The following NEBL variants were observed in gnomAD, a reference collection of about 807,000 sequenced individuals.
The protein encoded by NEBL is nebulette.
NEBL carries 122 observed loss-of-function variants against 140.2 expected under a neutral mutation model. That is an observed-to-expected ratio of 0.87 (90% CI 0.75 to 1.01). The LOEUF (loss-of-function observed/expected upper bound fraction) is 1.01, where lower values mean the gene tolerates loss of function less well. NEBL is among the 50% of genes least tolerant of loss of function. The pLI is 0.00. For synonymous variants in NEBL, 436 were observed against 398.9 expected (o/e 1.09, Z -1.11); for missense variants, 1,365 against 1,231.3 (o/e 1.11, Z -1.62).
intron 2 of NEBL, among the ~76,000 whole-genome samples, chr10:21,106,037 GT>G (rs896934453): frequency 1.2e-4 from 18 of 151,390 alleles, no homozygotes; most frequent in African/African-American, 4.1e-4. Flanking sequence ...GGGGTTGTTT[GT>G]TTTTTTTCTG....
At chr10:20,798,113 A>C (rs983467460) in intron 26 of NEBL, among the ~76,000 whole-genome samples, 1 of 128,574 alleles carries the variant, frequency 7.8e-6, no homozygotes, top group East Asian at 1.9e-4. Flanking sequence ...CTAATTACAA[A>C]AAAAAAAAAA....
At chr10:21,029,423 C>G in intron 2 of NEBL, 1 of 1,611,442 alleles carries the variant, frequency 6.2e-7, no homozygotes, top group East Asian at 2.2e-5. Flanking sequence ...TTTGGTTATG[C>G]TGAATTTGAG....
intron 4 of NEBL, among the ~76,000 whole-genome samples, chr10:20,956,030 T>C (rs1835785419): frequency 6.6e-6 from 1 of 152,160 alleles, no homozygotes; most frequent in Admixed American, 6.5e-5. Flanking sequence ...CACAAGTAAT[T>C]ACTGGTCTGG....
chr10:21,195,629 C>T (rs1841636640), intron 3 of NEBL, among the ~76,000 whole-genome samples: 1 of 152,170 alleles, frequency 6.6e-6, no homozygotes, highest in African/African-American at 2.4e-5. Flanking sequence ...AACTCATCTT[C>T]ACTGTTTTTA....
chr10:20,919,906 C>T (rs908017907), intron 4 of NEBL, among the ~76,000 whole-genome samples: 7 of 151,944 alleles, frequency 4.6e-5, no homozygotes, highest in African/African-American at 1.7e-4. Flanking sequence ...AGCAAGGTAG[C>T]AGGGGGAAAT....
upstream of NEBL, among the ~76,000 whole-genome samples, chr10:20,902,235 C>T (rs575358637): frequency 6.6e-6 from 1 of 152,050 alleles, no homozygotes; most frequent in South Asian, 2.1e-4. Flanking sequence ...AACCCCGTCT[C>T]TACTAAACAA....
intron 26 of NEBL, among the ~76,000 whole-genome samples, chr10:20,792,167 G>A (rs1162097687): frequency 6.6e-6 from 1 of 150,962 alleles, no homozygotes; most frequent in Non-Finnish European, 1.5e-5. Flanking sequence ...AGAAAAAAAT[G>A]GTACTTTAAC....
At chr10:21,018,023 T>C (rs896655004) in intron 3 of NEBL, among the ~76,000 whole-genome samples, 1 of 152,096 alleles carries the variant, frequency 6.6e-6, no homozygotes, top group African/African-American at 2.4e-5. Flanking sequence ...GGTTTCACCA[T>C]GTTGGCCAGG....
At chr10:21,036,816 G>A (rs578145469) in intron 2 of NEBL, among the ~76,000 whole-genome samples, 5 of 152,130 alleles carry the variant, frequency 3.3e-5, no homozygotes, top group African/African-American at 7.2e-5. Context: ...CCAGAGATGA[G>A]GAATATTAGG....
chr10:20,789,235 T>C (rs1835705427), intron 26 of NEBL, among the ~76,000 whole-genome samples: 1 of 152,226 alleles, frequency 6.6e-6, no homozygotes, highest in African/African-American at 2.4e-5. Context: ...CATTAATTAC[T>C]ACTTGAATCT....
chr10:21,272,183 T>C (rs1485659754), intron 1 of NEBL, among the ~76,000 whole-genome samples: 1 of 143,608 alleles, frequency 7.0e-6, no homozygotes, highest in Non-Finnish European at 1.5e-5. Flanking sequence ...GCCAGGATGG[T>C]CTCGATCTCC....
At chr10:21,039,193 A>G (rs1054800911) in intron 2 of NEBL, among the ~76,000 whole-genome samples, 1 of 147,476 alleles carries the variant, frequency 6.8e-6, no homozygotes, top group Non-Finnish European at 1.5e-5. Flanking sequence ...CACTCTGATG[A>G]TAGTTTCTTT....
At chr10:20,870,876 G>C (rs1844856796) in intron 5 of NEBL, among the ~76,000 whole-genome samples, 1 of 152,152 alleles carries the variant, frequency 6.6e-6, no homozygotes, top group Non-Finnish European at 1.5e-5. Flanking sequence ...TCGTCATTTA[G>C]ATTAACTTGA....
intron 2 of NEBL, among the ~76,000 whole-genome samples, chr10:21,058,785 T>C (rs1171309623): frequency 6.6e-6 from 1 of 152,166 alleles, no homozygotes. Context: ...TGGTCTAGTA[T>C]ATAATTTAGT....
At chr10:21,254,650 G>T (rs1270021480) in intron 1 of NEBL, among the ~76,000 whole-genome samples, 3 of 152,170 alleles carry the variant, frequency 2.0e-5, no homozygotes, top group Non-Finnish European at 4.4e-5. Flanking sequence ...TGCACGTGTT[G>T]TTGGGGCAAT....
intron 2 of NEBL, among the ~76,000 whole-genome samples, chr10:21,057,943 T>G (rs950519510): frequency 1.3e-5 from 2 of 152,180 alleles, no homozygotes; most frequent in African/African-American, 4.8e-5. Context: ...AATCATATAA[T>G]CGTGAACACC....
chr10:20,784,286 G>A lies in NEBL; in HGVS notation c.*1461C>T, dbSNP rs1410847790. The A allele has an allele frequency of 3.3e-5, 5 of 152,146 alleles. No homozygotes were observed. The highest frequency in any genetic ancestry group is 4.1e-4 in the South Asian group (2 of 4,826). The allele number at this position is 152,146 out of a possible 1,614,324, so 9.4% of individuals were successfully genotyped here. On this transcript the variant is annotated 3_prime_UTR_variant, in exon 28 of 28. Transcript: ENST00000377122. Reference sequence around the variant, plus strand: ...ATCAGAAAAACACAGGGTTGCCGACGGGTGCCGCTGGCTTGGTGACCTGGA... The same window carrying A: ...ATCAGAAAAACACAGGGTTGCCGACAGGTGCCGCTGGCTTGGTGACCTGGA...
At chr10:21,010,348 G>A (rs772787743) in intron 3 of NEBL, among the ~76,000 whole-genome samples, 1 of 152,046 alleles carries the variant, frequency 6.6e-6, no homozygotes, top group African/African-American at 2.4e-5. Flanking sequence ...GGGCTCAAGC[G>A]ATCCTCCTAC....
intron 4 of NEBL, among the ~76,000 whole-genome samples, chr10:20,923,752 T>G (rs991838058): frequency 2.7e-5 from 4 of 150,428 alleles, no homozygotes; most frequent in Non-Finnish European, 5.9e-5. Flanking sequence ...TGATTTAATG[T>G]TGAAGCTGTC....
Sources: allele counts gnomAD v4.1 joint callset (sites outside exome capture counted in the v4.1 genomes callset), GRCh38; gene constraint gnomAD v4.1.1; transcripts MANE v1.5; gene names NCBI Gene and HGNC (gene_info 2026-07-23, HGNC 2026-07-21).